Variants in GNAT2 observed in about 807,000 individuals in gnomAD.
GNAT2 encodes G protein subunit alpha transducin 2.
GNAT2 carries 32 observed loss-of-function variants against 40.9 expected under a neutral mutation model. The ratio of observed to expected loss-of-function variants is 0.78; its 90% CI spans 0.59 to 1.05. The LOEUF (loss-of-function observed/expected upper bound fraction) is 1.05, where lower values mean the gene tolerates loss of function less well. GNAT2 is among the 50% of genes least tolerant of loss of function. The probability of loss-of-function intolerance (pLI) is 0.00; values close to 1 mark genes in which losing one functional copy is unlikely to be tolerated. For synonymous variants in GNAT2, 141 were observed against 157.2 expected, an observed-to-expected ratio of 0.90 and a Z score of 0.77; for missense variants, 355 against 431.5, an observed-to-expected ratio of 0.82 and a Z score of 1.57.
intron 1 of GNAT2, chr1:109,618,359 C>T (rs1325703598): frequency 6.6e-6 from 1 of 152,196 alleles, no homozygotes; most frequent in Non-Finnish European, 1.5e-5. Context: ...ATGAATATTA[C>T]ATAAACATTC....
chr1:109,615,000 CA>C (rs1376123709), intron 1 of GNAT2: 14 of 152,250 alleles, frequency 9.2e-5, no homozygotes, highest in African/African-American at 3.4e-4. Flanking sequence ...AGCGTACTCA[CA>C]ATACTGGTAA....
chr1:109,605,926 G>A, intron 7 of GNAT2, 44 bp downstream of exon 7: 1 of 1,580,064 alleles, frequency 6.3e-7, no homozygotes, highest in Admixed American at 1.7e-5. Flanking sequence ...GGGTCATGGG[G>A]AGAACTTGTT....
In GNAT2 at chr1:109,612,753, C is replaced by A. The variant is rs749377354; in HGVS notation, c.118G>T (p.Gly40Cys). 5.8e-6 allele frequency: 9 copies of A among 1,561,978 alleles called. No individual in the cohort carries two copies. Among genetic ancestry groups the A allele is most frequent in the African/African-American group, 1.4e-5 (1 of 73,864 alleles). ...EAKTVKLLLL[G>C]AGESGKSTIV... ...TGGCTCATCTTCCCATCTCACTCAC[C>A]CAGCAGTAGCAGCTTGACAGTCTTG... Residue 40 changes from glycine (G) to cysteine (C), a missense_variant and splice_region_variant, in exon 2 of 9, where the codon GGT becomes TGT. By Grantham distance (159) the Gly-to-Cys change is radical. Transcript: ENST00000679935.
chr1:109,604,124 T>G lies in GNAT2; in HGVS notation c.721-20A>C. The G allele has an allele frequency of 6.3e-7, 1 of 1,596,152 alleles. No individual in the cohort carries two copies. The highest frequency in any genetic ancestry group is 8.6e-7 in the Non-Finnish European group (1 of 1,164,616). On this transcript the variant is annotated intron_variant, in intron 7 of 8. Transcript: ENST00000679935. ...ACGATTCTAGTAAGAGGAAACACCA[T>G]TGGAAATATCAGATTTGGCTTATAG...
chr1:109,604,251 G>T, intron 7 of GNAT2, 147 bp from the exon 8 acceptor site: 1 of 699,628 alleles, frequency 1.4e-6, no homozygotes, highest in Non-Finnish European at 2.6e-6. Context: ...CCAGAGTAAA[G>T]CCAGAGAGAT....
At chr1:109,617,385 G>C (rs1359131238) in intron 1 of GNAT2, 1 of 152,278 alleles carries the variant, frequency 6.6e-6, no homozygotes, top group Non-Finnish European at 1.5e-5. Context: ...CAGGCTAGGA[G>C]GGGAGGAAGC....
Position 109,611,848 on chromosome 1 carries a change from T to C in GNAT2, c.118+905A>G, listed in dbSNP as rs181639273. The C allele has an allele frequency of 3.3e-5, 5 of 152,282 alleles. No homozygotes were observed. The East Asian group carries it at 5.8e-4, about 18-fold the overall frequency. 9.4% of individuals were successfully genotyped at this position (152,282 alleles called of 1,614,324 possible). A position where few individuals can be genotyped will look rare whatever the true frequency, so the allele number is the denominator to read the frequency against. On this transcript the variant is annotated intron_variant, in intron 2 of 8. Transcript: ENST00000679935. ...CTCCTTTAGTGTGTCCTTACGACTG[T>C]GCCACAGATCAGCTGGGGGAAAAGA...
chr1:109,608,278 G>A, intron 5 of GNAT2: 1 of 366,328 alleles, frequency 2.7e-6, no homozygotes, highest in South Asian at 2.3e-5. Context: ...GAACTGCAGG[G>A]CTATCTTAGG....
chr1:109,608,508 A>G (rs2101126510), intron 5 of GNAT2, 123 bp downstream of exon 5: 1 of 862,996 alleles, frequency 1.2e-6, no homozygotes, highest in Middle Eastern at 2.2e-4. Flanking sequence ...GGCTGAATTC[A>G]GTCTGGGTCT....
At chr1:109,610,811 A>T in intron 2 of GNAT2, 1 of 475,662 alleles carries the variant, frequency 2.1e-6, no homozygotes, top group East Asian at 4.1e-5. Context: ...TAGTTATGAC[A>T]ACCAAAAGTG....
intron 5 of GNAT2, chr1:109,607,261 C>G (rs1457032124): frequency 1.3e-5 from 2 of 151,910 alleles, no homozygotes; most frequent in Non-Finnish European, 2.9e-5. Context: ...ACCATCCTGG[C>G]TAACACGGTG....
At chr1:109,609,924 G>C in intron 4 of GNAT2, 116 bp downstream of exon 4, 1 of 1,039,726 alleles carries the variant, frequency 9.6e-7, no homozygotes, top group Non-Finnish European at 1.5e-6. Context: ...CAGCAGGTGG[G>C]ATTTTAGTTA....
intron 2 of GNAT2, chr1:109,612,334 A>G (rs1649819835): frequency 3.4e-6 from 1 of 295,692 alleles, no homozygotes; most frequent in Non-Finnish European, 6.7e-6. Flanking sequence ...CACTGACTGT[A>G]TGGTGGGACT....
intron 7 of GNAT2, chr1:109,605,612 C>T (rs996233569): frequency 2.7e-5 from 9 of 337,230 alleles, no homozygotes; most frequent in Non-Finnish European, 5.8e-6. Flanking sequence ...ATTTTCATCT[C>T]CTTCCTTAGG....
chr1:109,610,051 G>GA lies in GNAT2; in HGVS notation c.291_292insT (p.Pro98SerfsTer6), dbSNP rs1218979289. On this transcript the variant is annotated frameshift_variant, in exon 4 of 9. Transcript: ENST00000679935. LOFTEE classifies it high-confidence loss of function. ...TAGTAATCACATACCGCACAGCTTG[G>GA]TTCAGCATAATCGATGCCCAGTGTG... The GA allele has an allele frequency of 6.2e-7, 1 of 1,613,884 alleles. No homozygotes were observed. Among genetic ancestry groups the GA allele is most frequent in the Non-Finnish European group, 8.5e-7 (1 of 1,179,928 alleles).
chr1:109,603,648 C>T (rs891680735), intron 8 of GNAT2, 104 bp from the exon 9 acceptor site: 20 of 817,154 alleles, frequency 2.4e-5, no homozygotes, highest in Non-Finnish European at 4.2e-5. Context: ...TATTAGACAA[C>T]AGCAGTTGGG....
In GNAT2 at chr1:109,603,327, G is replaced by T. The variant is rs775190991; in HGVS notation, c.*27C>A. Reference sequence around the variant, plus strand: ...TACCCAGATTCCAAGCCTGTTTATAGAACTTATACCTGAGGAATGGTGAGG... The same window carrying T: ...TACCCAGATTCCAAGCCTGTTTATATAACTTATACCTGAGGAATGGTGAGG... On this transcript the variant is annotated 3_prime_UTR_variant, in exon 9 of 9. Coordinates refer to ENST00000679935, the MANE Select transcript of GNAT2 (RefSeq NM_001377295.2). 1.1e-5 allele frequency: 14 copies of T among 1,326,448 alleles called. No homozygotes were observed. The highest frequency in any genetic ancestry group is 2.3e-5 in the South Asian group (2 of 85,112). 82.2% of individuals were successfully genotyped at this position (1,326,448 alleles called of 1,614,324 possible). A position where few individuals can be genotyped will look rare whatever the true frequency, so the allele number is the denominator to read the frequency against.
At chr1:109,606,145 C>T (rs185290169) in intron 6 of GNAT2, 46 bp from the exon 7 acceptor site, 14 of 1,609,398 alleles carry the variant, frequency 8.7e-6, no homozygotes, top group Non-Finnish European at 1.2e-5. Flanking sequence ...CAACATACGA[C>T]CTATATGCCT....
At chr1:109,612,180 A>G (rs1334115741) in intron 2 of GNAT2, 1 of 174,336 alleles carries the variant, frequency 5.7e-6, no homozygotes, top group African/African-American at 2.4e-5. Flanking sequence ...GCAGCTATTG[A>G]ATAGAGAGCC....
Sources: allele counts gnomAD v4.1 joint callset, GRCh38; gene constraint gnomAD v4.1.1; transcripts MANE v1.5; gene names NCBI Gene and HGNC (gene_info 2026-07-23, HGNC 2026-07-21).